ATN1: variants seen among roughly 807,000 people sequenced by gnomAD.
The protein encoded by ATN1 is atrophin 1.
ATN1 carries 19 observed loss-of-function variants against 85.8 expected under a neutral mutation model. That is an observed-to-expected ratio of 0.22 (90% CI 0.15 to 0.32). The LOEUF is 0.32. Ranked by LOEUF, ATN1 falls within the 10% of genes least tolerant of loss-of-function variation. The pLI is 1.00. For missense variants in ATN1, 1,453 were observed against 1,564.5 expected (o/e 0.93, Z 1.20); for synonymous variants, 674 against 657.0 (o/e 1.03, Z -0.39).
rs1386562667 is a variant in ATN1, at chr12:6,928,118, G to A, written c.-429G>A. ...CGGCCCGGGGCATTCCGGGCGGCCA[G>A]GGGGAGGCGGCGAGCCCGGGGAGGT... On this transcript the variant is annotated 5_prime_UTR_variant, in exon 1 of 10. Transcript: ENST00000396684. Among the ~76,000 whole-genome samples, 1 of 145,882 alleles carries A rather than the reference G, an allele frequency of 6.9e-6. No individual in the cohort carries two copies. The highest frequency in any genetic ancestry group is 2.5e-5 in the African/African-American group (1 of 40,400).
chr12:6,936,509 C>G lies in ATN1; in HGVS notation c.1242C>G (p.Pro414=). The change falls in exon 5 of 10, where the codon CCC becomes CCG. Residue 414 remains proline, a synonymous_variant. Coordinates refer to ENST00000396684, the MANE Select transcript of ATN1 (RefSeq NM_001940.4). ...ALPSYPHSFP[P]PTSLSVSNQP... ...CCAGCTACCCCCACTCTTTCCCTCC[C>G]CCAACAAGCCTCTCTGTCTCCAATC... 1 of 1,604,058 alleles carries G rather than the reference C, an allele frequency of 6.2e-7. No individual in the cohort carries two copies. The highest frequency in any genetic ancestry group is 8.5e-7 in the Non-Finnish European group (1 of 1,177,938).
chr12:6,936,282 A>G lies in ATN1; in HGVS notation c.1015A>G (p.Met339Val), dbSNP rs781975264. ...CTCTCCCCACGCCATGGGACAGGGT[A>G]TGGGTGGACTTCCTCCTGGCCCAGA... ...LPSPHAMGQG[M>V]GGLPPGPEKG... The change falls in exon 5 of 10, where the codon ATG becomes GTG. Residue 339 changes from methionine (M) to valine (V), a missense_variant. By Grantham distance (21) the Met-to-Val change is conservative. Coordinates refer to ENST00000396684, the MANE Select transcript of ATN1 (RefSeq NM_001940.4). The G allele has an allele frequency of 1.9e-6, 3 of 1,613,628 alleles. No individual in the cohort carries two copies. Among genetic ancestry groups the G allele is most frequent in the African/African-American group, 1.3e-5 (1 of 74,950 alleles).
intron 1 of ATN1, among the ~76,000 whole-genome samples, chr12:6,931,373 A>G (rs1555143022): frequency 6.9e-6 from 1 of 145,570 alleles, no homozygotes; most frequent in African/African-American, 2.5e-5. Flanking sequence ...ACCAGTCTAC[A>G]TAACAACTAA....
intron 1 of ATN1, 115 bp downstream of exon 1, chr12:6,928,499 C>G (rs1945424825): frequency 3.3e-5 from 5 of 151,948 alleles, no homozygotes; most frequent in Admixed American, 3.3e-4. Context: ...GCCGCCGCCT[C>G]CATTTGTTAT....
At chr12:6,932,966 G>A (rs779581335) in intron 1 of ATN1, among the ~76,000 whole-genome samples, 41 of 152,328 alleles carry the variant, frequency 2.7e-4, no homozygotes, top group African/African-American at 9.6e-4. Context: ...ATACAGCAAA[G>A]TATAGAAGAA....
chr12:6,941,887 C>T lies in ATN1; in HGVS notation c.*107C>T, dbSNP rs1220821646. The T allele has an allele frequency of 7.5e-6, 9 of 1,192,546 alleles. No homozygotes were observed. In the Admixed American group the frequency reaches 1.4e-4, roughly 19 times the overall value. The allele number at this position is 1,192,546 out of a possible 1,614,324, so 73.9% of individuals were successfully genotyped here. A position where few individuals can be genotyped will look rare whatever the true frequency, so the allele number is the denominator to read the frequency against. The stretch of plus-strand genomic sequence containing the variant: ...GCCACCCAGAGCCAAGAGGGTGCTG[C>T]TCAGTTGCAGGGCCTCCGCAGCTGG... On this transcript the variant is annotated 3_prime_UTR_variant, in exon 10 of 10. Transcript: ENST00000396684. This position sits in a 1 kb window ranked among gnomAD's most constrained non-coding sequence, Gnocchi z 5.9.
upstream of ATN1, among the ~76,000 whole-genome samples, chr12:6,927,370 GC>G (rs1386100415): frequency 6.6e-6 from 1 of 150,944 alleles, no homozygotes; most frequent in Non-Finnish European, 1.5e-5. Context: ...CACCCACAAA[GC>G]CCCCAGGCAG....
Position 6,934,207 on chromosome 12 carries a change from C to T in ATN1, c.59C>T (p.Ala20Val), listed in dbSNP as rs782582482. 2 of 1,599,998 alleles carry T rather than the reference C, an allele frequency of 1.3e-6. No individual in the cohort carries two copies. Among genetic ancestry groups the T allele is most frequent in the Admixed American group, 3.6e-5 (2 of 54,944 alleles). Reference protein sequence around the residue: ...MSMRSGRKKEAPGPREELRSR... With the variant: ...MSMRSGRKKEVPGPREELRSR... ...ATGAGGAGTGGACGGAAGAAAGAGG[C>T]CCCTGGGCCCCGGGAAGAACTGAGA... Residue 20 changes from alanine to valine, a missense_variant, in exon 3 of 10, where the codon GCC (alanine) becomes GTC (valine). Physicochemically the swap from Ala to Val is moderately conservative, Grantham distance 64. Around this residue, in one of 6 missense-constraint regions of ATN1, gnomAD observed 130 missense variants for 158.2 expected, o/e 0.82. Transcript: ENST00000396684. This position sits in a 1 kb window ranked among gnomAD's most constrained non-coding sequence, Gnocchi z 4.5.
chr12:6,935,964 A>G lies in ATN1; in HGVS notation c.697A>G (p.Met233Val), dbSNP rs149811742. 514 of 1,590,444 alleles carry G rather than the reference A, an allele frequency of 3.2e-4. No homozygotes were observed. The highest frequency in any genetic ancestry group is 8.6e-4 in the African/African-American group (64 of 74,304). ...GTGGVLSGPP[M>V]GPKGGGAASS... Reference sequence around the variant, plus strand: ...TGGTGGAGTTTTGTCTGGACCCCCAATGGGTCCCAAGGGGGGAGGGGCTGC... The same window carrying G: ...TGGTGGAGTTTTGTCTGGACCCCCAGTGGGTCCCAAGGGGGGAGGGGCTGC... Residue 233 changes from methionine to valine, a missense_variant, in exon 5 of 10, where the codon ATG becomes GTG. Physicochemically the swap from Met to Val is conservative, Grantham distance 21 (BLOSUM62 1). Around this residue, in one of 6 missense-constraint regions of ATN1, gnomAD observed 990 missense variants for 914.8 expected, o/e 1.08. Transcript: ENST00000396684. This position sits in a 1 kb window ranked among gnomAD's most constrained non-coding sequence, Gnocchi z 5.3.
rs149931213 is a variant in ATN1 at position 6,937,850 on chromosome 12, A to G, written c.2300A>G (p.Asn767Ser). 24 of 1,570,270 alleles carry G rather than the reference A, an allele frequency of 1.5e-5. 1 individual carries two copies. In the African/African-American group the frequency reaches 2.0e-4, roughly 13 times the overall value. The change falls in exon 6 of 10, where the codon AAC becomes AGC. Residue 767 changes from asparagine to serine, a missense_variant. Asn to Ser is a conservative substitution (Grantham distance 46). Around this residue, in one of 6 missense-constraint regions of ATN1, gnomAD observed 990 missense variants for 914.8 expected, o/e 1.08. Transcript: ENST00000396684. This position sits in a 1 kb window ranked among gnomAD's most constrained non-coding sequence, Gnocchi z 6.0. ...PSHASQSARF[N>S]KHLDRGFNSC... ...GCTGCTTCCACGCCCGGCAGGTTCA[A>G]CAAACACCTGGATCGCGGCTTCAAC...
Position 6,937,647 on chromosome 12 carries a change from T to G in ATN1, c.2294+86T>G. ...AGAGAGGGAGTAGCAGGGAGGGGCC[T>G]TGCGCTGGTGTAGTGTTTTAGAAAA... On this transcript the variant is annotated intron_variant, in intron 5 of 9. Transcript: ENST00000396684. This position sits in a 1 kb window ranked among gnomAD's most constrained non-coding sequence, Gnocchi z 6.0. 1.4e-6 allele frequency: 2 copies of G among 1,432,322 alleles called. No individual in the cohort carries two copies. Among genetic ancestry groups the G allele is most frequent in the Non-Finnish European group, 1.8e-6 (2 of 1,091,034 alleles). The allele number at this position is 1,432,322 out of a possible 1,614,324, so 88.7% of individuals were successfully genotyped here.
In ATN1 at chr12:6,937,471, A is replaced by C; in HGVS notation, c.2204A>C (p.Glu735Ala). 1 of 1,544,490 alleles carries C rather than the reference A, an allele frequency of 6.5e-7. No homozygotes were observed. Among genetic ancestry groups the C allele is most frequent in the South Asian group, 1.2e-5 (1 of 83,988 alleles). The change falls in exon 5 of 10, where the codon GAG becomes GCG. Residue 735 changes from glutamate (E) to alanine (A), a missense_variant. Coordinates refer to ENST00000396684, the MANE Select transcript of ATN1 (RefSeq NM_001940.4). The surrounding 1 kb of genome is among the most constrained non-coding windows in gnomAD (Gnocchi z 6.0). ...AAACAGGAGCCGGCTGAGGAGTATG[A>C]GACCCCCGAGAGCCCGGTGCCCCCA... Reference protein sequence around the residue: ...QIKQEPAEEYETPESPVPPAR... With the variant: ...QIKQEPAEEYATPESPVPPAR...
At chr12:6,925,372 G>A (rs1945389913), upstream of ATN1, among the ~76,000 whole-genome samples, 1 of 152,128 alleles carries the variant, frequency 6.6e-6, no homozygotes, top group Non-Finnish European at 1.5e-5. Context: ...TTGAGCCAAG[G>A]CCCAGTGGGA....
In ATN1 at chr12:6,936,852, C is replaced by T. The variant is rs781947901; in HGVS notation, c.1585C>T (p.Pro529Ser). The change falls in exon 5 of 10, where the codon CCT becomes TCT. Residue 529 changes from proline to serine, a missense_variant. Around this residue, in one of 6 missense-constraint regions of ATN1, gnomAD observed 990 missense variants for 914.8 expected, o/e 1.08. Coordinates refer to ENST00000396684, the MANE Select transcript of ATN1 (RefSeq NM_001940.4). ...LEGGSSHHAH[P>S]YAMSPSLGSL... ...GGGCGGTAGCTCCCACCACGCACACCCTTACGCCATGTCTCCCTCCCTGGG... is the reference window on the plus strand; with the variant it reads ...GGGCGGTAGCTCCCACCACGCACACTCTTACGCCATGTCTCCCTCCCTGGG... The T allele has an allele frequency of 1.2e-6, 2 of 1,613,888 alleles. No individual in the cohort carries two copies. The highest frequency in any genetic ancestry group is 2.7e-5 in the African/African-American group (2 of 74,844).
rs898339922 is a variant in ATN1, at chr12:6,937,270, G to A, written c.2003G>A (p.Gly668Glu). 2 of 1,608,614 alleles carry A rather than the reference G, an allele frequency of 1.2e-6. No individual in the cohort carries two copies. The highest frequency in any genetic ancestry group is 1.7e-6 in the Non-Finnish European group (2 of 1,178,378). ...GGGTCGCCTCCCTCCTTCCGAACGG[G>A]GACCCCACCGGGCTATCGAGGAACC... ...KPGSPPSFRT[G>E]TPPGYRGTSP... Residue 668 changes from glycine to glutamate, a missense_variant, in exon 5 of 10, where the codon GGG becomes GAG. Transcript: ENST00000396684. This position sits in a 1 kb window ranked among gnomAD's most constrained non-coding sequence, Gnocchi z 6.0.
rs782440399 is a variant in ATN1, at chr12:6,940,616, G to A, written c.3215-264G>A. On this transcript the variant is annotated intron_variant, in intron 7 of 9. Coordinates refer to ENST00000396684, the MANE Select transcript of ATN1 (RefSeq NM_001940.4). ...TTCTATCATCTTCCACCTTCTTCAC[G>A]CAGTCTACCTCTCTCTGTCCTTCCC... Among the ~76,000 whole-genome samples, 5 of 152,048 alleles carry A rather than the reference G, an allele frequency of 3.3e-5. No individual in the cohort carries two copies. In the East Asian group the frequency reaches 9.7e-4, roughly 29 times the overall value.
intron 1 of ATN1, among the ~76,000 whole-genome samples, chr12:6,930,711 G>C (rs1555142964): frequency 6.6e-6 from 1 of 152,182 alleles, no homozygotes; most frequent in African/African-American, 2.4e-5. Flanking sequence ...CAGGAGAATG[G>C]CGTGAACCCG....
At position 6,934,493 on chromosome 12, in the gene ATN1, C is replaced by A. The variant is rs1470452439; in HGVS notation, c.194C>A (p.Pro65Gln). Residue 65 changes from proline (P) to glutamine (Q), a missense_variant, in exon 4 of 10, where the codon CCA (proline) becomes CAA (glutamine). Physicochemically the swap from Pro to Gln is moderately conservative, Grantham distance 76 (BLOSUM62 -1). Transcript: ENST00000396684. This position sits in a 1 kb window ranked among gnomAD's most constrained non-coding sequence, Gnocchi z 4.5. ...GCCCGAGTAGAGGAAGCCTCCACCC[C>A]AAAGGTCAACAAGCAGGGTCGGAGT... ...KKARVEEAST[P>Q]KVNKQGRSEE... 2.5e-6 allele frequency: 4 copies of A among 1,591,122 alleles called. No homozygotes were observed. Among genetic ancestry groups the A allele is most frequent in the Non-Finnish European group, 3.4e-6 (4 of 1,168,344 alleles).
Position 6,933,965 on chromosome 12 carries a change from C to G in ATN1, c.-37C>G. On this transcript the variant is annotated 5_prime_UTR_variant, in exon 2 of 10. Transcript: ENST00000396684. ...CAGAGAAGTTTCTGTATTCAGCTGCCCAGGCAGAGGAGAATGGGGTCTCCA... is the reference window on the plus strand; with the variant it reads ...CAGAGAAGTTTCTGTATTCAGCTGCGCAGGCAGAGGAGAATGGGGTCTCCA... 1 of 1,591,490 alleles carries G rather than the reference C, an allele frequency of 6.3e-7. No individual in the cohort carries two copies. Among genetic ancestry groups the G allele is most frequent in the South Asian group, 1.1e-5 (1 of 87,588 alleles).
Sources: allele counts gnomAD v4.1 joint callset (sites outside exome capture counted in the v4.1 genomes callset), GRCh38; gene constraint gnomAD v4.1.1; regional missense constraint gnomAD v4.1.1; non-coding constraint Gnocchi (gnomAD v3.1); transcripts MANE v1.5; gene names NCBI Gene and HGNC (gene_info 2026-07-23, HGNC 2026-07-21).